TTI1: variants seen among roughly 807,000 people sequenced by gnomAD.
TTI1 encodes the protein TELO2-interacting protein 1 homolog.
TTI1 carries 52 observed loss-of-function variants against 85.4 expected under a neutral mutation model. The ratio of observed to expected loss-of-function variants is 0.61; its 90% confidence interval spans 0.49 to 0.77. The LOEUF (loss-of-function observed/expected upper bound fraction) is 0.77, where lower values mean the gene tolerates loss of function less well. TTI1 is among the 30% of genes least tolerant of loss of function. TTI1 has a pLI of 0.00. For synonymous variants in TTI1, 512 were observed against 503.9 expected, an observed-to-expected ratio of 1.02 and a Z score of -0.22; for missense variants, 1,173 against 1,296.0, an observed-to-expected ratio of 0.91 and a Z score of 1.46.
chr20:38,021,849 T>C (rs2073775714), intron 1 of TTI1, among the ~76,000 whole-genome samples: 1 of 152,066 alleles, frequency 6.6e-6, no homozygotes, highest in Non-Finnish European at 1.5e-5. Context: ...TGAAGACAAA[T>C]GGAACAATCT....
intron 7 of TTI1, among the ~76,000 whole-genome samples, 194 bp from the exon 8 acceptor site, chr20:37,983,833 G>T (rs1262163363): frequency 2.6e-5 from 4 of 152,208 alleles, no homozygotes; most frequent in Non-Finnish European, 4.4e-5. Context: ...AAGCCCAACC[G>T]AAATACAGGT....
At chr20:38,003,827 G>A (rs2122545227) in intron 3 of TTI1, among the ~76,000 whole-genome samples, 1 of 151,922 alleles carries the variant, frequency 6.6e-6, no homozygotes, top group East Asian at 1.9e-4. Context: ...TTCCATGGCT[G>A]GCCTCTGCTC....
intron 7 of TTI1, among the ~76,000 whole-genome samples, chr20:37,990,004 T>C (rs1029191990): frequency 4.6e-5 from 7 of 152,252 alleles, no homozygotes; most frequent in Admixed American, 4.6e-4. Context: ...TCTGAAAAGC[T>C]TTCTTTCCTT....
At position 38,013,782 on chromosome 20, in the gene TTI1, C is replaced by A. The variant is rs770048510; in HGVS notation, c.35G>T (p.Gly12Val). The change falls in exon 2 of 8, where the codon GGT becomes GTT. Residue 12 changes from glycine to valine, a missense_variant. Transcript: ENST00000373447. ...AVFDTPEEAF[G>V]VLRPVCVQLT... ...CTGAACACAGACTGGACGTAAGACA[C>A]CAAAGGCCTCCTCAGGAGTATCAAA... is the stretch of plus-strand genomic sequence containing the variant. 12 of 1,613,874 alleles carry A rather than the reference C, an allele frequency of 7.4e-6. No homozygotes were observed. Among genetic ancestry groups the A allele is most frequent in the Non-Finnish European group, 1.0e-5 (12 of 1,180,012 alleles).
intron 4 of TTI1, among the ~76,000 whole-genome samples, 187 bp downstream of exon 4, chr20:38,002,441 C>T (rs1408190104): frequency 6.6e-6 from 1 of 152,206 alleles, no homozygotes; most frequent in Non-Finnish European, 1.5e-5. Context: ...CCTTTGGCAT[C>T]TCAGCAGACA....
Position 38,011,509 on chromosome 20 carries a change from A to G in TTI1, c.2302+6T>C, listed in dbSNP as rs1244219158. On this transcript the variant is annotated splice_donor_region_variant and intron_variant, in intron 2 of 7. Transcript: ENST00000373447. Reference sequence around the variant, plus strand: ...ACATCAGCATTAAAAAGGGCTCTCAATGTACCTAATGCTGCCATCAGAGCA... The same window carrying G: ...ACATCAGCATTAAAAAGGGCTCTCAGTGTACCTAATGCTGCCATCAGAGCA... 4.3e-6 allele frequency: 7 copies of G among 1,613,110 alleles called. No homozygotes were observed. The Admixed American group carries it at 1.0e-4, about 23-fold the overall frequency.
At chr20:38,000,036 G>A (rs2073399106) in intron 4 of TTI1, among the ~76,000 whole-genome samples, 1 of 152,226 alleles carries the variant, frequency 6.6e-6, no homozygotes, top group Non-Finnish European at 1.5e-5. Context: ...CATGAGAGGA[G>A]CAAAGTGATG....
Position 37,996,759 on chromosome 20 carries a change from T to C in TTI1, c.2988A>G (p.Arg996=), listed in dbSNP as rs1182810402. The C allele has an allele frequency of 6.2e-7, 1 of 1,609,640 alleles. No individual in the cohort carries two copies. Among genetic ancestry groups the C allele is most frequent in the Non-Finnish European group, 8.5e-7 (1 of 1,176,888 alleles). ...VLQGLGPLCE[R]LDLGEGDLNK... ...CTGCCTGGTACCCACCTAGGTCCAG[T>C]CTCTCACAGAGGGGGCCCAGGCCCT... Residue 996 remains arginine (R), a synonymous_variant, in exon 6 of 8, where the codon AGA becomes AGG. Coordinates refer to ENST00000373447, the MANE Select transcript of TTI1 (RefSeq NM_001303457.2).
chr20:38,023,853 AAG>A (rs2073801269), intron 1 of TTI1, among the ~76,000 whole-genome samples: 1 of 152,170 alleles, frequency 6.6e-6, no homozygotes, highest in African/African-American at 2.4e-5. Flanking sequence ...TTGACAAGGG[AAG>A]AGAGATACAA....
At chr20:38,029,743 C>T (rs1425029461) in intron 1 of TTI1, among the ~76,000 whole-genome samples, 1 of 152,128 alleles carries the variant, frequency 6.6e-6, no homozygotes, top group Non-Finnish European at 1.5e-5. Flanking sequence ...AAATTTAATT[C>T]CCAATGTATT....
Position 38,013,858 on chromosome 20 carries a change from C to T in TTI1, c.-41-1G>A, listed in dbSNP as rs369612631. ...CCTCATTGAGGAAACATCCTGCAGG[C>T]TGGAGGAAGGAAACTGTTCAGTAAA... On this transcript the variant is annotated splice_acceptor_variant, in intron 1 of 7. Transcript: ENST00000373447. LOFTEE classifies it low-confidence loss of function (5UTR_SPLICE). 6.4e-7 allele frequency: 1 copy of T among 1,569,196 alleles called. No individual in the cohort carries two copies. The highest frequency in any genetic ancestry group is 1.4e-5 in the African/African-American group (1 of 73,354).
Position 38,012,459 on chromosome 20 carries a change from G to C in TTI1, c.1358C>G (p.Ser453Cys). 1.1e-5 allele frequency: 18 copies of C among 1,614,212 alleles called. No homozygotes were observed. Among genetic ancestry groups the C allele is most frequent in the Non-Finnish European group, 1.5e-5 (18 of 1,180,050 alleles). ...CTTTGGAGAAGCATTCAGATCATCA[G>C]AGTTCCAACGCCGTTCCTCAACAAT... is the stretch of plus-strand genomic sequence containing the variant. ...IKIVEERRWN[S>C]DDLNASPKTS... is the part of the protein sequence containing the mutation. Residue 453 changes from serine (S) to cysteine (C), a missense_variant, in exon 2 of 8, where the codon TCT becomes TGT. Coordinates refer to ENST00000373447, the MANE Select transcript of TTI1 (RefSeq NM_001303457.2).
intron 1 of TTI1, among the ~76,000 whole-genome samples, chr20:38,016,354 C>T (rs917086655): frequency 1.3e-5 from 2 of 152,162 alleles, no homozygotes; most frequent in Admixed American, 6.5e-5. Flanking sequence ...TTGTAAAATC[C>T]AGGGTGAAGG....
At chr20:38,011,196 T>C (rs1342011521) in intron 2 of TTI1, among the ~76,000 whole-genome samples, 1 of 152,248 alleles carries the variant, frequency 6.6e-6, no homozygotes. Context: ...GATTTTATCA[T>C]TTATTAATTG....
chr20:37,987,628 T>A (rs1424279946), intron 7 of TTI1, among the ~76,000 whole-genome samples: 1 of 152,196 alleles, frequency 6.6e-6, no homozygotes, highest in East Asian at 1.9e-4. Flanking sequence ...GGCGAGTGAT[T>A]ATCTCTCAAT....
At chr20:37,987,037 C>G in intron 7 of TTI1, 1 of 382,102 alleles carries the variant, frequency 2.6e-6, no homozygotes, top group South Asian at 1.9e-5. Flanking sequence ...AGATGGCTGG[C>G]AAGTGTAGCT....
intron 1 of TTI1, 89 bp from the exon 2 acceptor site, chr20:38,013,946 T>C: frequency 1.5e-6 from 2 of 1,372,700 alleles, no homozygotes; most frequent in Non-Finnish European, 1.9e-6. Flanking sequence ...GACATTTACC[T>C]GGGGTCTATG....
intron 1 of TTI1, among the ~76,000 whole-genome samples, chr20:38,028,858 G>A (rs1429461929): frequency 1.3e-5 from 2 of 152,124 alleles, no homozygotes; most frequent in African/African-American, 4.8e-5. Context: ...CCAGGTGCAT[G>A]CCACTATGCC....
At chr20:38,001,508 A>G (rs2073424823) in intron 4 of TTI1, among the ~76,000 whole-genome samples, 1 of 152,224 alleles carries the variant, frequency 6.6e-6, no homozygotes, top group Non-Finnish European at 1.5e-5. Flanking sequence ...AGGCACCTAC[A>G]TTAAAGCCGT....
Sources: gnomAD v4.1 joint callset for allele counts (sites outside exome capture counted in the v4.1 genomes callset) on GRCh38, gnomAD v4.1.1 for gene constraint, MANE v1.5 for transcripts, NCBI Gene and HGNC (gene_info 2026-07-23, HGNC 2026-07-21) for gene names.